Variants in MEIS2 observed in about 807,000 individuals in gnomAD.
MEIS2 encodes Meis homeobox 2, also known as homeobox protein Meis2.
Under a neutral mutation model 58.6 loss-of-function variants are expected in MEIS2, and 9 were observed. The observed-to-expected ratio is 0.15, with a 90% CI of 0.09 to 0.27. MEIS2 has a LOEUF of 0.27. Among genes scored for constraint, MEIS2 ranks in the 10% least tolerant of loss-of-function variants. The pLI is 1.00. For missense variants in MEIS2, 427 were observed against 635.0 expected (o/e 0.67, Z 3.52); for synonymous variants, 221 against 228.4 (o/e 0.97, Z 0.29).
At chr15:37,029,586 G>A (rs1387830894) in intron 8 of MEIS2, among the ~76,000 whole-genome samples, 2 of 152,014 alleles carry the variant, frequency 1.3e-5, no homozygotes, top group Admixed American at 1.3e-4. Flanking sequence ...GAAAGAGGTG[G>A]GTAGCACTAC....
chr15:37,088,430 G>A (rs1461244476), intron 6 of MEIS2, among the ~76,000 whole-genome samples: 2 of 152,120 alleles, frequency 1.3e-5, no homozygotes, highest in Non-Finnish European at 2.9e-5. Context: ...ACTTTATAAT[G>A]TTTTAACTCC....
At chr15:36,984,553 T>C (rs745402145) in intron 8 of MEIS2, among the ~76,000 whole-genome samples, 1 of 152,164 alleles carries the variant, frequency 6.6e-6, no homozygotes, top group Non-Finnish European at 1.5e-5. Context: ...TGTAATTTTT[T>C]TCTTGCAATT....
At chr15:36,929,179 T>C (rs1280574921) in intron 9 of MEIS2, among the ~76,000 whole-genome samples, 3 of 152,222 alleles carry the variant, frequency 2.0e-5, no homozygotes, top group Non-Finnish European at 2.9e-5. Context: ...TTCATATCAA[T>C]ATAAGAAATC....
At chr15:36,970,483 G>T (rs899430926) in intron 8 of MEIS2, among the ~76,000 whole-genome samples, 6 of 151,866 alleles carry the variant, frequency 4.0e-5, no homozygotes, top group Middle Eastern at 6.9e-3. Context: ...ATTAAAGAGC[G>T]CCAATATTTG....
chr15:37,043,768 A>G (rs984174449), intron 7 of MEIS2, among the ~76,000 whole-genome samples: 2 of 147,770 alleles, frequency 1.4e-5, no homozygotes, highest in Non-Finnish European at 3.0e-5. Flanking sequence ...GCTCACCGCA[A>G]CCTCCACCTC....
intron 7 of MEIS2, among the ~76,000 whole-genome samples, chr15:37,058,229 C>T (rs1434366261): frequency 6.6e-6 from 1 of 152,148 alleles, no homozygotes; most frequent in Non-Finnish European, 1.5e-5. Context: ...ATGTGGGTTC[C>T]AGCCCACGAG....
intron 8 of MEIS2, among the ~76,000 whole-genome samples, chr15:36,990,150 T>C (rs1486828570): frequency 1.3e-5 from 2 of 152,110 alleles, no homozygotes; most frequent in African/African-American, 2.4e-5. Flanking sequence ...TTTCACCATG[T>C]TAGCCAGGAT....
chr15:37,080,105 G>A (rs1193986850), intron 7 of MEIS2, among the ~76,000 whole-genome samples: 1 of 152,110 alleles, frequency 6.6e-6, no homozygotes, highest in African/African-American at 2.4e-5. Flanking sequence ...TTCATGCATA[G>A]CTAATGATTA....
chr15:37,047,975 TCTAA>T (rs1454977037), intron 7 of MEIS2, among the ~76,000 whole-genome samples: 1 of 152,214 alleles, frequency 6.6e-6, no homozygotes, highest in East Asian at 1.9e-4. Flanking sequence ...TCTGTTGCAG[TCTAA>T]CTGGGATTTT....
intron 9 of MEIS2, among the ~76,000 whole-genome samples, chr15:36,922,909 C>T (rs182874531): frequency 3.4e-4 from 52 of 152,182 alleles, no homozygotes; most frequent in Non-Finnish European, 1.5e-5. Flanking sequence ...AGCCACCGCT[C>T]CCGGCCAAAC....
chr15:37,098,480 C>A (rs1894668975), intron 1 of MEIS2: 6 of 921,520 alleles, frequency 6.5e-6, no homozygotes, highest in Non-Finnish European at 8.5e-6. Flanking sequence ...ACAAGTTGAG[C>A]ACACAGAAAC....
rs113897130 is a variant in MEIS2 at position 37,001,663 on chromosome 15, C to T, written c.900+35151G>A. Among the ~76,000 whole-genome samples the T allele has an allele frequency of 3.2e-3, 484 of 152,210 alleles. 1 individual carries two copies. The highest frequency in any genetic ancestry group is 0.011 in the African/African-American group (466 of 41,518). On this transcript the variant is annotated intron_variant, in intron 8 of 11. Coordinates refer to ENST00000561208, the MANE Select transcript of MEIS2 (RefSeq NM_170675.5). ...CTCATTAGCTTACACTTAGATCAGG[C>T]TTTTGCAACCTTTAGTCATTCCCCT... is the stretch of plus-strand genomic sequence containing the variant.
intron 8 of MEIS2, among the ~76,000 whole-genome samples, chr15:36,968,187 T>C (rs1007016977): frequency 2.6e-5 from 4 of 152,216 alleles, no homozygotes; most frequent in African/African-American, 9.6e-5. Flanking sequence ...CTGATTGATA[T>C]ACATTTCTTC....
At chr15:37,049,530 A>C (rs989709658) in intron 7 of MEIS2, among the ~76,000 whole-genome samples, 1 of 151,732 alleles carries the variant, frequency 6.6e-6, no homozygotes, top group African/African-American at 2.4e-5. Flanking sequence ...TCTGTCTCCC[A>C]GGCCGGAGTG....
intron 9 of MEIS2, among the ~76,000 whole-genome samples, chr15:36,949,265 T>C (rs551451040): frequency 4.1e-4 from 63 of 151,888 alleles, no homozygotes; most frequent in Non-Finnish European, 7.2e-4. Flanking sequence ...ATGTCTCTCA[T>C]TGTGATCCTA....
intron 9 of MEIS2, among the ~76,000 whole-genome samples, chr15:36,910,626 T>C (rs1253005906): frequency 6.6e-6 from 1 of 152,244 alleles, no homozygotes; most frequent in Non-Finnish European, 1.5e-5. Flanking sequence ...CAAGTCAGAT[T>C]CAGAGATGAA....
intron 9 of MEIS2, among the ~76,000 whole-genome samples, chr15:36,914,019 A>G (rs757647127): frequency 6.6e-6 from 1 of 152,164 alleles, no homozygotes; most frequent in African/African-American, 2.4e-5. Flanking sequence ...TCTTCCTGCC[A>G]TCCTCACCTC....
At chr15:37,026,933 G>C (rs1334454477) in intron 8 of MEIS2, among the ~76,000 whole-genome samples, 1 of 152,284 alleles carries the variant, frequency 6.6e-6, no homozygotes, top group East Asian at 1.9e-4. Flanking sequence ...TGGCAGATTT[G>C]GGACTTGGCA....
intron 9 of MEIS2, among the ~76,000 whole-genome samples, chr15:36,934,593 T>G (rs1178119780): frequency 6.6e-6 from 1 of 152,222 alleles, no homozygotes; most frequent in Non-Finnish European, 1.5e-5. Flanking sequence ...TTGTTTTTCT[T>G]TATAAACAAG....
Sources: allele counts gnomAD v4.1 joint callset (sites outside exome capture counted in the v4.1 genomes callset), GRCh38; gene constraint gnomAD v4.1.1; transcripts MANE v1.5; gene names NCBI Gene and HGNC (gene_info 2026-07-23, HGNC 2026-07-21).